Variants in XKR6 observed in about 807,000 individuals in gnomAD.
The protein encoded by XKR6 is XK-related protein 6.
XKR6 carries 22 observed loss-of-function variants against 56.7 expected under a neutral mutation model. The ratio of observed to expected loss-of-function variants is 0.39; its 90% CI spans 0.28 to 0.55. XKR6 has a LOEUF of 0.55. XKR6 is among the 20% of genes least tolerant of loss of function. XKR6 has a pLI of 0.66. For synonymous variants in XKR6, 524 were observed against 387.8 expected (o/e 1.35, Z -4.13); for missense variants, 852 against 889.0 (o/e 0.96, Z 0.53).
intron 1 of XKR6, among the ~76,000 whole-genome samples, chr8:11,186,685 T>G (rs1420570581): frequency 6.6e-6 from 1 of 152,178 alleles, no homozygotes; most frequent in Non-Finnish European, 1.5e-5. Context: ...TGGCCCAAGC[T>G]AGAGTTTTTA....
chr8:11,082,345 G>C lies in XKR6; in HGVS notation c.764+118231C>G, dbSNP rs138465046. On this transcript the variant is annotated intron_variant, in intron 1 of 2. Transcript: ENST00000416569. ...CACCCCGTTACGAATGTGGGAGCAAGAGTTGGTCAATTTTGGAAGGGCTTG... is the reference window on the plus strand; with the variant it reads ...CACCCCGTTACGAATGTGGGAGCAACAGTTGGTCAATTTTGGAAGGGCTTG... Among the ~76,000 whole-genome samples the C allele has an allele frequency of 7.4e-3, 1,122 of 152,330 alleles. 9 individuals carry two copies. The highest frequency in any genetic ancestry group is 0.025 in the African/African-American group (1,034 of 41,570).
At chr8:10,950,488 C>A (rs1409547988) in intron 1 of XKR6, among the ~76,000 whole-genome samples, 2 of 152,152 alleles carry the variant, frequency 1.3e-5, no homozygotes, top group Non-Finnish European at 2.9e-5. Flanking sequence ...AGAACCACAT[C>A]AGCATCTTGA....
intron 1 of XKR6, among the ~76,000 whole-genome samples, chr8:11,114,728 T>TATGTGTGC (rs59347652): frequency 3.6e-5 from 1 of 27,752 alleles, no homozygotes; most frequent in Non-Finnish European, 6.5e-5. Flanking sequence ...AGATCACATA[T>TATGTGTGC]GTGTGTGTGT....
chr8:10,954,865 T>C (rs1288075844), intron 1 of XKR6, among the ~76,000 whole-genome samples: 1 of 122,780 alleles, frequency 8.1e-6, no homozygotes, highest in Non-Finnish European at 1.6e-5. Flanking sequence ...AACTTCATTC[T>C]CTTTTTTTTT....
At chr8:10,930,176 G>T (rs1801014276) in intron 1 of XKR6, among the ~76,000 whole-genome samples, 1 of 152,160 alleles carries the variant, frequency 6.6e-6, no homozygotes, top group Admixed American at 6.5e-5. Flanking sequence ...TCTACAAGGG[G>T]CAGGGGGCTA....
chr8:11,193,118 G>A (rs1454759615), intron 1 of XKR6, among the ~76,000 whole-genome samples: 1 of 152,156 alleles, frequency 6.6e-6, no homozygotes, highest in Admixed American at 6.5e-5. Flanking sequence ...CCAAGAGGGT[G>A]GTGAAGAAAA....
At chr8:11,098,896 C>T (rs1798360910) in intron 1 of XKR6, among the ~76,000 whole-genome samples, 1 of 152,040 alleles carries the variant, frequency 6.6e-6, no homozygotes, top group South Asian at 2.1e-4. Context: ...ACTTCTGGAA[C>T]ATTCCCCCAT....
intron 1 of XKR6, among the ~76,000 whole-genome samples, chr8:11,171,976 C>T (rs1166481386): frequency 1.3e-5 from 2 of 151,876 alleles, no homozygotes; most frequent in African/African-American, 4.8e-5. Context: ...TCGCTTGAAC[C>T]CGGGAGGCAC....
At chr8:11,087,818 G>C (rs928013727) in intron 1 of XKR6, among the ~76,000 whole-genome samples, 12 of 152,228 alleles carry the variant, frequency 7.9e-5, no homozygotes, top group Non-Finnish European at 1.6e-4. Context: ...CTGATAAGTA[G>C]TGAGTTTCCG....
chr8:11,079,559 GA>G (rs1230405508), intron 1 of XKR6, among the ~76,000 whole-genome samples: 1 of 152,180 alleles, frequency 6.6e-6, no homozygotes, highest in Admixed American at 6.5e-5. Context: ...TCTGGAAGGG[GA>G]AAAAGGAAAT....
intron 1 of XKR6, among the ~76,000 whole-genome samples, chr8:10,977,877 G>C (rs1234883409): frequency 6.6e-6 from 1 of 151,870 alleles, no homozygotes; most frequent in African/African-American, 2.4e-5. Context: ...AAAAAGTGTG[G>C]ACCCTCAATA....
intron 1 of XKR6, among the ~76,000 whole-genome samples, chr8:10,925,985 C>G (rs985760478): frequency 6.6e-6 from 1 of 152,172 alleles, no homozygotes; most frequent in African/African-American, 2.4e-5. Flanking sequence ...GGATCAAAAA[C>G]AGGAACCGTA....
chr8:11,010,636 A>G (rs1248581268), intron 1 of XKR6, among the ~76,000 whole-genome samples: 1 of 152,228 alleles, frequency 6.6e-6, no homozygotes, highest in African/African-American at 2.4e-5. Context: ...ACCAGTCAAT[A>G]TTCAACATTT....
intron 2 of XKR6, among the ~76,000 whole-genome samples, chr8:10,910,177 T>C (rs1229183813): frequency 6.6e-6 from 1 of 152,136 alleles, no homozygotes; most frequent in Non-Finnish European, 1.5e-5. Context: ...TACTGCTAAA[T>C]ACTGCAATGC....
intron 1 of XKR6, among the ~76,000 whole-genome samples, chr8:11,009,994 T>C (rs1798463247): frequency 1.3e-5 from 2 of 152,212 alleles, no homozygotes; most frequent in South Asian, 2.1e-4. Context: ...CACATTGCTA[T>C]AAAGAACTAC....
chr8:10,959,185 G>T (rs984715874), intron 1 of XKR6, among the ~76,000 whole-genome samples: 2 of 152,108 alleles, frequency 1.3e-5, no homozygotes, highest in African/African-American at 4.8e-5. Flanking sequence ...CCTGGTCACC[G>T]GATCTCTCCA....
intron 1 of XKR6, among the ~76,000 whole-genome samples, chr8:11,190,717 A>G (rs1204300088): frequency 3.3e-5 from 5 of 152,338 alleles, no homozygotes; most frequent in South Asian, 4.1e-4. Context: ...TCCATCTTCA[A>G]TAAGCCAGAC....
intron 1 of XKR6, among the ~76,000 whole-genome samples, chr8:10,951,100 G>A (rs1299125421): frequency 1.3e-5 from 2 of 152,226 alleles, no homozygotes; most frequent in African/African-American, 2.4e-5. Flanking sequence ...CCCCAGGGCT[G>A]CTGTTCTGGG....
At chr8:11,145,579 CAAAAAT>C (rs1800940309) in intron 1 of XKR6, among the ~76,000 whole-genome samples, 1 of 151,984 alleles carries the variant, frequency 6.6e-6, no homozygotes, top group South Asian at 2.1e-4. Flanking sequence ...AATAAACTAA[CAAAAAT>C]AGAAATTAAT....
Sources: gnomAD v4.1 joint callset for allele counts (sites outside exome capture counted in the v4.1 genomes callset) on GRCh38, gnomAD v4.1.1 for gene constraint, MANE v1.5 for transcripts, NCBI Gene and HGNC (gene_info 2026-07-23, HGNC 2026-07-21) for gene names.